The following CHL1 variants were observed in gnomAD, a reference collection of about 807,000 sequenced individuals.
CHL1 encodes the protein neural cell adhesion molecule L1-like protein.
Under a neutral mutation model 141.9 loss-of-function variants are expected in CHL1, and 96 were observed. The observed-to-expected ratio is 0.68, with a 90% CI of 0.57 to 0.80. The LOEUF is 0.80. CHL1 is among the 30% of genes least tolerant of loss of function. The pLI is 0.00. For missense variants in CHL1, 1,820 were observed against 1,457.2 expected (o/e 1.25, Z -4.05); for synonymous variants, 613 against 502.2 (o/e 1.22, Z -2.95).
intron 15 of CHL1, among the ~76,000 whole-genome samples, chr3:367,411 C>T (rs1705040285): frequency 6.6e-6 from 1 of 152,186 alleles, no homozygotes; most frequent in East Asian, 1.9e-4. Flanking sequence ...AGCTCAGTCA[C>T]TTATTAGATC....
intron 1 of CHL1, chr3:197,737 C>G (rs900215982): frequency 2.2e-6 from 1 of 453,970 alleles, no homozygotes; most frequent in Non-Finnish European, 4.4e-6. Context: ...AGCTCCACCT[C>G]CCCAGACCGC....
At chr3:270,536 C>T (rs1695548596) in intron 2 of CHL1, among the ~76,000 whole-genome samples, 1 of 152,154 alleles carries the variant, frequency 6.6e-6, no homozygotes, top group Non-Finnish European at 1.5e-5. Context: ...AAGAATGAGC[C>T]TTGCCTTGTT....
At chr3:344,765 G>C (rs1702624738) in intron 9 of CHL1, 56 bp downstream of exon 9, 4 of 1,557,460 alleles carry the variant, frequency 2.6e-6, no homozygotes, top group Non-Finnish European at 3.5e-6. Flanking sequence ...TAAAGAATAA[G>C]ACATCAAGCA....
At chr3:401,902 C>G (rs1292283719) in intron 27 of CHL1, among the ~76,000 whole-genome samples, 2 of 152,144 alleles carry the variant, frequency 1.3e-5, no homozygotes, top group Non-Finnish European at 2.9e-5. Flanking sequence ...AAATAATTAC[C>G]GTCTAGGCAG....
chr3:230,094 G>A (rs62228293), intron 1 of CHL1, among the ~76,000 whole-genome samples: 1 of 152,158 alleles, frequency 6.6e-6, no homozygotes, highest in Non-Finnish European at 1.5e-5. Context: ...GGCCCCCACT[G>A]GAAGAACTCT....
At chr3:280,622 G>C (rs1417918271) in intron 2 of CHL1, among the ~76,000 whole-genome samples, 2 of 152,136 alleles carry the variant, frequency 1.3e-5, no homozygotes, top group African/African-American at 4.8e-5. Flanking sequence ...AAAGGGAGAT[G>C]TTCAACGATG....
rs1363165115 is a variant in CHL1, at chr3:354,697, G to T, written c.1091G>T (p.Gly364Val). The part of the protein sequence containing the change: ...QSAVYSTGSN[G>V]ILLCEAEGEP... ...GCTGTGTATAGCACCGGAAGCAATGGCATCTTGTTATGTGAGGCTGAAGGA... is the reference window on the plus strand; with the variant it reads ...GCTGTGTATAGCACCGGAAGCAATGTCATCTTGTTATGTGAGGCTGAAGGA... Residue 364 changes from glycine (G) to valine (V), a missense_variant, in exon 11 of 28, where the codon GGC (glycine) becomes GTC (valine). By Grantham distance (109) the Gly-to-Val change is moderately radical. Coordinates refer to ENST00000256509, the MANE Select transcript of CHL1 (RefSeq NM_006614.4). The T allele has an allele frequency of 1.9e-6, 3 of 1,614,008 alleles. No homozygotes were observed. The highest frequency in any genetic ancestry group is 2.5e-6 in the Non-Finnish European group (3 of 1,179,930).
intron 5 of CHL1, among the ~76,000 whole-genome samples, chr3:335,763 T>C (rs960968522): frequency 3.3e-5 from 5 of 152,222 alleles, no homozygotes; most frequent in Non-Finnish European, 5.9e-5. Flanking sequence ...TTCTACCTCC[T>C]CTGAAAATGT....
chr3:239,456 A>G (rs1252220330), intron 1 of CHL1, among the ~76,000 whole-genome samples: 1 of 152,096 alleles, frequency 6.6e-6, no homozygotes. Context: ...CTGTGGTGGT[A>G]ATGTGCTCCC....
At chr3:240,905 G>C (rs1692496113) in intron 1 of CHL1, among the ~76,000 whole-genome samples, 1 of 152,142 alleles carries the variant, frequency 6.6e-6, no homozygotes, top group Admixed American at 6.6e-5. Context: ...TCAGTTGGCT[G>C]TAAGTATTTG....
chr3:236,247 A>G (rs1691969436), intron 1 of CHL1, among the ~76,000 whole-genome samples: 1 of 152,194 alleles, frequency 6.6e-6, no homozygotes, highest in South Asian at 2.1e-4. Flanking sequence ...ACTTTCCCAA[A>G]GTGACACAGC....
At chr3:263,718 G>A (rs962095738) in intron 2 of CHL1, among the ~76,000 whole-genome samples, 1 of 152,090 alleles carries the variant, frequency 6.6e-6, no homozygotes, top group African/African-American at 2.4e-5. Flanking sequence ...ATTTGCTTTT[G>A]CATATCTTAC....
chr3:206,626 G>A (rs2124865352), intron 1 of CHL1, among the ~76,000 whole-genome samples: 1 of 152,114 alleles, frequency 6.6e-6, no homozygotes, highest in South Asian at 2.1e-4. Context: ...TATAGCCCCA[G>A]CTACTTGGGA....
chr3:356,108 A>T (rs983682313), intron 11 of CHL1, among the ~76,000 whole-genome samples: 1 of 152,162 alleles, frequency 6.6e-6, no homozygotes, highest in Non-Finnish European at 1.5e-5. Flanking sequence ...AGTCCTCATT[A>T]TTAACTATCT....
At chr3:301,165 A>G (rs1463603234) in intron 2 of CHL1, among the ~76,000 whole-genome samples, 1 of 152,202 alleles carries the variant, frequency 6.6e-6, no homozygotes, top group Non-Finnish European at 1.5e-5. Flanking sequence ...GTAGAGGTAG[A>G]AGGGATTCAG....
intron 2 of CHL1, among the ~76,000 whole-genome samples, chr3:254,579 T>G (rs1693990100): frequency 6.6e-6 from 1 of 152,188 alleles, no homozygotes; most frequent in African/African-American, 2.4e-5. Flanking sequence ...GCCACGTATC[T>G]TGGTGCTTTT....
At chr3:260,953 C>T (rs1275152310) in intron 2 of CHL1, among the ~76,000 whole-genome samples, 1 of 152,162 alleles carries the variant, frequency 6.6e-6, no homozygotes, top group Admixed American at 6.5e-5. Context: ...GTTTGAGAAG[C>T]CATTCCGTCG....
intron 2 of CHL1, among the ~76,000 whole-genome samples, chr3:292,663 G>A (rs752178499): frequency 7.2e-5 from 11 of 152,188 alleles, no homozygotes; most frequent in Non-Finnish European, 1.6e-4. Flanking sequence ...TTGGCTCATG[G>A]TTCTGCAGTC....
intron 1 of CHL1, among the ~76,000 whole-genome samples, chr3:233,418 T>C (rs4684328): frequency 0.5 from 76,621 of 151,954 alleles, 20,935 homozygotes; most frequent in Non-Finnish European, 0.61. Context: ...CTAAACTGGG[T>C]CACTTACCTA....
Sources: allele counts gnomAD v4.1 joint callset (sites outside exome capture counted in the v4.1 genomes callset), GRCh38; gene constraint gnomAD v4.1.1; transcripts MANE v1.5; gene names NCBI Gene and HGNC (gene_info 2026-07-23, HGNC 2026-07-21).